The following DYNC2LI1 variants were observed in gnomAD, a reference collection of about 807,000 sequenced individuals.
The protein encoded by DYNC2LI1 is dynein cytoplasmic 2 light intermediate chain 1, also known as cytoplasmic dynein 2 light intermediate chain 1.
DYNC2LI1 carries 45 observed loss-of-function variants against 51.9 expected under a neutral mutation model. That is an observed-to-expected ratio of 0.87 (90% CI 0.68 to 1.11). The LOEUF (loss-of-function observed/expected upper bound fraction) is 1.11. Among genes scored for constraint, DYNC2LI1 ranks in the 50% most tolerant of loss-of-function variants. DYNC2LI1 has a pLI of 0.00. For synonymous variants in DYNC2LI1, 130 were observed against 137.8 expected, an observed-to-expected ratio of 0.94 and a Z score of 0.40; for missense variants, 490 against 417.4, an observed-to-expected ratio of 1.17 and a Z score of -1.51.
At chr2:43,793,211 C>T (rs1026615645) in intron 5 of DYNC2LI1, 1 of 153,086 alleles carries the variant, frequency 6.5e-6, no homozygotes, top group Non-Finnish European at 1.5e-5. Context: ...TGGTGGCTTA[C>T]ACCTGTAATC....
chr2:43,796,742 G>A lies in DYNC2LI1; in HGVS notation c.601G>A (p.Val201Ile), dbSNP rs762112489. 6 of 1,613,176 alleles carry A rather than the reference G, an allele frequency of 3.7e-6. No homozygotes were observed. In the South Asian group the frequency reaches 5.5e-5, roughly 15 times the overall value. The change falls in exon 8 of 13, where the codon GTA becomes ATA. Residue 201 changes from valine (V) to isoleucine (I), a missense_variant. Coordinates refer to ENST00000260605, the MANE Select transcript of DYNC2LI1 (RefSeq NM_016008.4). Reference protein sequence around the residue: ...FQDFESEKRKVICKTLRFVAH... With the variant: ...FQDFESEKRKIICKTLRFVAH... ...GGATTTTGAGTCTGAGAAGAGAAAG[G>A]TAATATGCAAGACACTTCGATTTGT...
chr2:43,794,865 T>C (rs530662999), intron 6 of DYNC2LI1: 1 of 1,427,302 alleles, frequency 7.0e-7, no homozygotes, highest in African/African-American at 1.4e-5. Flanking sequence ...TCTGTGATTG[T>C]TATGGCATAT....
chr2:43,777,001 A>C, intron 2 of DYNC2LI1, 102 bp downstream of exon 2: 1 of 611,808 alleles, frequency 1.6e-6, no homozygotes, highest in South Asian at 2.9e-5. Flanking sequence ...CACTTTAACC[A>C]GATGACCAAT....
At chr2:43,796,375 A>G (rs1674037731) in intron 7 of DYNC2LI1, among the ~76,000 whole-genome samples, 1 of 152,022 alleles carries the variant, frequency 6.6e-6, no homozygotes. Flanking sequence ...ACTGGGGAAT[A>G]TGACTTACTT....
intron 5 of DYNC2LI1, chr2:43,793,619 A>G (rs577903536): frequency 1.5e-5 from 2 of 137,464 alleles, no homozygotes; most frequent in South Asian, 4.6e-4. Context: ...TTTTTTTAAT[A>G]TAGTTGAGTT....
At chr2:43,775,411 AG>A (rs1460469902) in intron 1 of DYNC2LI1, among the ~76,000 whole-genome samples, 9 of 152,054 alleles carry the variant, frequency 5.9e-5, no homozygotes, top group Non-Finnish European at 1.2e-4. Context: ...TATCGTGTAA[AG>A]TTATATATCT....
intron 6 of DYNC2LI1, chr2:43,795,252 T>A: frequency 2.1e-6 from 2 of 952,842 alleles, no homozygotes; most frequent in Non-Finnish European, 2.5e-6. Context: ...ATGCTTGTAA[T>A]CCCAGCACTT....
chr2:43,789,053 A>G (rs907047498), intron 4 of DYNC2LI1, among the ~76,000 whole-genome samples: 1 of 152,192 alleles, frequency 6.6e-6, no homozygotes, highest in East Asian at 1.9e-4. Context: ...CCTACCGTGT[A>G]TTATTGTCAG....
chr2:43,817,746 C>A, the DYNC2LI1 span, among the ~76,000 whole-genome samples: 17,387 of 151,958 alleles, frequency 0.11, 1,280 homozygotes, highest in Middle Eastern at 0.27. Flanking sequence ...CACGTCTCTA[C>A]TAAAAATACA....
intron 8 of DYNC2LI1, among the ~76,000 whole-genome samples, chr2:43,798,058 T>C (rs1438156272): frequency 6.6e-6 from 1 of 151,370 alleles, no homozygotes; most frequent in Non-Finnish European, 1.5e-5. Flanking sequence ...GCTCAGGAGG[T>C]CAAGGCTGCA....
intron 2 of DYNC2LI1, among the ~76,000 whole-genome samples, chr2:43,783,251 A>C (rs1264710380): frequency 6.6e-6 from 1 of 152,192 alleles, no homozygotes; most frequent in East Asian, 1.9e-4. Flanking sequence ...TTGACCACTT[A>C]AGTGAGGTAT....
chr2:43,806,039 C>T (rs1259021424), intron 12 of DYNC2LI1, among the ~76,000 whole-genome samples: 1 of 151,992 alleles, frequency 6.6e-6, no homozygotes, highest in African/African-American at 2.4e-5. Context: ...TGCCACCACA[C>T]CTGGCTAATT....
chr2:43,776,960 T>A, intron 2 of DYNC2LI1, 61 bp downstream of exon 2: 1 of 873,166 alleles, frequency 1.1e-6, no homozygotes, highest in Non-Finnish European at 1.8e-6. Flanking sequence ...AAATATCTGT[T>A]AATACTTTGA....
chr2:43,788,458 G>A (rs9284744), intron 4 of DYNC2LI1, among the ~76,000 whole-genome samples: 25,026 of 152,104 alleles, frequency 0.16, 3,052 homozygotes, highest in African/African-American at 0.33. Context: ...GAAGCATCAT[G>A]TCTTTCTCAG....
At chr2:43,801,580 G>A (rs1440751669) in intron 9 of DYNC2LI1, 59 bp from the exon 10 acceptor site, 8 of 1,256,732 alleles carry the variant, frequency 6.4e-6, no homozygotes, top group South Asian at 1.3e-5. Context: ...ATTTACAGGA[G>A]AGCGTGGCAG....
intron 1 of DYNC2LI1, 149 bp downstream of exon 1, chr2:43,774,295 A>G: frequency 2.9e-6 from 3 of 1,050,984 alleles, no homozygotes; most frequent in Non-Finnish European, 4.2e-6. Context: ...ATCAGCCTTG[A>G]GCATAAAGAT....
chr2:43,828,133 T>C, the DYNC2LI1 span: 1 of 1,613,608 alleles, frequency 6.2e-7, no homozygotes. Context: ...AGACACAAAT[T>C]ACAGGAAGGC....
At chr2:43,818,665 T>C in the DYNC2LI1 span, among the ~76,000 whole-genome samples, 5 of 152,188 alleles carry the variant, frequency 3.3e-5, no homozygotes, top group African/African-American at 1.2e-4. Flanking sequence ...TTTTCATAAA[T>C]ATTAACAATC....
chr2:43,790,470 G>C lies in DYNC2LI1; in HGVS notation c.320+749G>C, dbSNP rs190350064. ...CATGTTGGTCATTAAGCTCCTTGGA[G>C]GATTGAATTATTTCTTGTTAATGGG... is the stretch of plus-strand genomic sequence containing the variant. On this transcript the variant is annotated intron_variant, in intron 5 of 12. Coordinates refer to ENST00000260605, the MANE Select transcript of DYNC2LI1 (RefSeq NM_016008.4). Among the ~76,000 whole-genome samples the C allele has an allele frequency of 3.4e-3, 520 of 152,198 alleles. 4 individuals are homozygous for C. Among genetic ancestry groups the C allele is most frequent in the South Asian group, 0.023 (113 of 4,812 alleles).
Sources: gnomAD v4.1 joint callset for allele counts (sites outside exome capture counted in the v4.1 genomes callset) on GRCh38, gnomAD v4.1.1 for gene constraint, MANE v1.5 for transcripts, NCBI Gene and HGNC (gene_info 2026-07-23, HGNC 2026-07-21) for gene names.